The following PDE1C variants were observed in gnomAD, a reference collection of about 807,000 sequenced individuals.
PDE1C encodes dual specificity calcium/calmodulin-dependent 3',5'-cyclic nucleotide phosphodiesterase 1C.
In PDE1C, 62 loss-of-function variants were observed where a neutral mutation model predicts 93.1. The ratio of observed to expected loss-of-function variants is 0.67; its 90% CI spans 0.54 to 0.82. The LOEUF is 0.82. Ranked by LOEUF, PDE1C falls within the 40% of genes least tolerant of loss-of-function variation. The pLI is 0.00. For synonymous variants in PDE1C, 325 were observed against 310.1 expected (o/e 1.05, Z -0.50); for missense variants, 742 against 884.6 (o/e 0.84, Z 2.04).
intron 2 of PDE1C, among the ~76,000 whole-genome samples, chr7:31,917,180 C>T (rs150852995): frequency 2.0e-5 from 3 of 152,182 alleles, no homozygotes; most frequent in African/African-American, 7.2e-5. Context: ...CCAAATATCA[C>T]CACAAGATAA....
chr7:31,984,799 T>C (rs1191101703), intron 2 of PDE1C, among the ~76,000 whole-genome samples: 7 of 152,210 alleles, frequency 4.6e-5, no homozygotes, highest in Non-Finnish European at 1.0e-4. Context: ...GACTGTTAAA[T>C]TAAATGTTGA....
chr7:32,327,639 G>A (rs79116657), intron 1 of PDE1C, among the ~76,000 whole-genome samples: 16,563 of 151,976 alleles, frequency 0.11, 1,307 homozygotes, highest in East Asian at 0.38. Flanking sequence ...TGGTGGCGGC[G>A]CATGCCTGTA....
At chr7:32,267,582 A>ACTCTCTCTCTCTCTCTCT (rs1562634837) in intron 1 of PDE1C, among the ~76,000 whole-genome samples, 1 of 70,494 alleles carries the variant, frequency 1.4e-5, no homozygotes, top group African/African-American at 4.6e-5. Context: ...TCACACACAC[A>ACTCTCTCTCTCTCTCTCT]CACACTCTCT....
chr7:32,397,394 G>A (rs2128094496), intron 1 of PDE1C, among the ~76,000 whole-genome samples: 1 of 152,154 alleles, frequency 6.6e-6, no homozygotes, highest in East Asian at 1.9e-4. Flanking sequence ...TCACATATCA[G>A]ATTGACGGAA....
Position 31,880,041 on chromosome 7 carries a change from A to G in PDE1C, c.242+706T>C, listed in dbSNP as rs1432849677. 2.6e-5 allele frequency among the ~76,000 whole-genome samples: 4 copies of G among 152,154 alleles called. No homozygotes were observed. In the East Asian group the frequency reaches 7.7e-4, roughly 29 times the overall value. Reference sequence around the variant, plus strand: ...GTCAGCAAAATAATAATAATAGTAAACCATACAAATCTTAGATTACTGTGA... The same window carrying G: ...GTCAGCAAAATAATAATAATAGTAAGCCATACAAATCTTAGATTACTGTGA... On this transcript the variant is annotated intron_variant, in intron 3 of 17. Coordinates refer to ENST00000396191, the MANE Select transcript of PDE1C (RefSeq NM_001191057.4).
At chr7:32,007,216 C>T (rs1202080106) in intron 2 of PDE1C, among the ~76,000 whole-genome samples, 2 of 152,260 alleles carry the variant, frequency 1.3e-5, no homozygotes, top group Non-Finnish European at 2.9e-5. Context: ...CATTGCTTGC[C>T]ATTTTCTGTT....
chr7:32,213,158 C>A (rs957958873), intron 1 of PDE1C, among the ~76,000 whole-genome samples: 1 of 152,222 alleles, frequency 6.6e-6, no homozygotes, highest in Non-Finnish European at 1.5e-5. Flanking sequence ...TAGGAAGCCC[C>A]AGGTGTGTTT....
At chr7:31,867,223 C>G (rs1583678524) in intron 6 of PDE1C, among the ~76,000 whole-genome samples, 1 of 152,142 alleles carries the variant, frequency 6.6e-6, no homozygotes, top group East Asian at 1.9e-4. Context: ...AAGGACAAAA[C>G]CCCCCACCTG....
At chr7:32,342,504 C>T (rs1001857685) in intron 1 of PDE1C, among the ~76,000 whole-genome samples, 5 of 152,048 alleles carry the variant, frequency 3.3e-5, no homozygotes, top group Non-Finnish European at 7.4e-5. Context: ...TCATCATATA[C>T]GTTTTAAATA....
At chr7:32,108,793 G>T (rs972184198) in intron 3 of PDE1C, among the ~76,000 whole-genome samples, 1 of 152,180 alleles carries the variant, frequency 6.6e-6, no homozygotes, top group Non-Finnish European at 1.5e-5. Flanking sequence ...CCTCTGGCCT[G>T]GTCCATGCCT....
intron 2 of PDE1C, among the ~76,000 whole-genome samples, chr7:32,017,868 C>G (rs141249733): frequency 6.6e-6 from 1 of 151,788 alleles, no homozygotes; most frequent in Admixed American, 6.6e-5. Context: ...TGCTTGAGTC[C>G]AAGAGTTTGA....
At chr7:32,136,352 TTA>T (rs1800210260) in intron 3 of PDE1C, among the ~76,000 whole-genome samples, 1 of 148,690 alleles carries the variant, frequency 6.7e-6, no homozygotes, top group Non-Finnish European at 1.5e-5. Flanking sequence ...ATTTATTTAT[TTA>T]TTTTTGAGAC....
rs547424468 is a variant in PDE1C, at chr7:32,150,836, T to A, written c.308+18949A>T. ...TGTAGTCCACCAGCAGGGGCCTAGCTCCATGCTGAGCTTTAAGTACAGTAT... is the reference window on the plus strand; with the variant it reads ...TGTAGTCCACCAGCAGGGGCCTAGCACCATGCTGAGCTTTAAGTACAGTAT... On this transcript the variant is annotated intron_variant, in intron 3 of 18. Transcript: ENST00000396193. Among the ~76,000 whole-genome samples, 1,021 of 152,256 alleles carry A rather than the reference T, an allele frequency of 6.7e-3. 10 individuals are homozygous for A. Among genetic ancestry groups the A allele is most frequent in the Non-Finnish European group, 7.4e-3 (500 of 68,026 alleles).
intron 14 of PDE1C, among the ~76,000 whole-genome samples, chr7:31,819,756 C>T (rs944346949): frequency 2.2e-4 from 33 of 152,000 alleles, no homozygotes; most frequent in African/African-American, 7.7e-4. Context: ...AATAATGATA[C>T]TATAGGGTCT....
intron 1 of PDE1C, among the ~76,000 whole-genome samples, chr7:32,369,910 G>A (rs972471488): frequency 1.3e-5 from 2 of 152,170 alleles, no homozygotes; most frequent in African/African-American, 4.8e-5. Flanking sequence ...AACCATTGTG[G>A]AAGACAGTGT....
chr7:32,221,000 G>T (rs930302814), intron 1 of PDE1C, among the ~76,000 whole-genome samples: 1 of 152,126 alleles, frequency 6.6e-6, no homozygotes, highest in African/African-American at 2.4e-5. Flanking sequence ...TCTTCGTAAT[G>T]ATGCCATCCT....
At position 31,973,246 on chromosome 7, in the gene PDE1C, C is replaced by T. The variant is rs1163614182; in HGVS notation, c.128+78308G>A. 3.9e-5 allele frequency among the ~76,000 whole-genome samples: 6 copies of T among 152,182 alleles called. No homozygotes were observed. The South Asian group carries it at 1.2e-3, about 32-fold the overall frequency. On this transcript the variant is annotated intron_variant, in intron 2 of 17. Transcript: ENST00000396191. ...GAAACAAAAGACTCAACAGTCATATCATTGGAATCTTAGATGGAGAAAAGA... is the reference window on the plus strand; with the variant it reads ...GAAACAAAAGACTCAACAGTCATATTATTGGAATCTTAGATGGAGAAAAGA...
intron 2 of PDE1C, among the ~76,000 whole-genome samples, chr7:32,186,087 G>GTTTTTTTTTT (rs10561469): frequency 3.9e-5 from 5 of 128,570 alleles, no homozygotes; most frequent in African/African-American, 8.8e-5. Context: ...TTGTTTTTTT[G>GTTTTTTTTTT]TTTTTTTTTT....
intron 11 of PDE1C, among the ~76,000 whole-genome samples, chr7:31,831,707 G>A (rs1051906460): frequency 6.6e-6 from 1 of 151,948 alleles, no homozygotes; most frequent in Non-Finnish European, 1.5e-5. Context: ...AGAGGAGGAG[G>A]AGAAGGGGCA....
Sources: gnomAD v4.1 joint callset for allele counts (sites outside exome capture counted in the v4.1 genomes callset) on GRCh38, gnomAD v4.1.1 for gene constraint, MANE v1.5 for transcripts, NCBI Gene and HGNC (gene_info 2026-07-23, HGNC 2026-07-21) for gene names.